MGAM: variants seen among roughly 807,000 people sequenced by gnomAD.
MGAM encodes alpha-1,4-glucosidase.
In MGAM, 253 loss-of-function variants were observed where a neutral mutation model predicts 358.8. That is an observed-to-expected ratio of 0.71 (90% CI 0.64 to 0.78). The LOEUF (loss-of-function observed/expected upper bound fraction) is 0.78. Ranked by LOEUF, MGAM falls within the 30% of genes least tolerant of loss-of-function variation. MGAM has a pLI of 0.00. For missense variants in MGAM, 3,080 were observed against 3,432.6 expected (o/e 0.90, Z 2.57); for synonymous variants, 1,105 against 1,227.1 (o/e 0.90, Z 2.08).
rs747047555 is a variant in MGAM, at chr7:142,088,174, G to A, written c.6810+1457G>A. 2.3e-4 allele frequency among the ~76,000 whole-genome samples: 33 copies of A among 146,174 alleles called. 5 individuals carry two copies. Among genetic ancestry groups the A allele is most frequent in the Admixed American group, 4.1e-4 (6 of 14,530 alleles). Reference sequence around the variant, plus strand: ...CATACTTCTCTGTTGTCAGTCTCTGGCCTCCTGGATCCCAGAGCCAGTTGG... The same window carrying A: ...CATACTTCTCTGTTGTCAGTCTCTGACCTCCTGGATCCCAGAGCCAGTTGG... On this transcript the variant is annotated intron_variant, in intron 57 of 70. Transcript: ENST00000475668.
At position 142,038,633 on chromosome 7, in the gene MGAM, G is replaced by A; in HGVS notation, c.2316+18G>A. 1 of 1,576,556 alleles carries A rather than the reference G, an allele frequency of 6.3e-7. No individual in the cohort carries two copies. The highest frequency in any genetic ancestry group is 8.7e-7 in the Non-Finnish European group (1 of 1,155,208). The stretch of plus-strand genomic sequence containing the variant: ...TGGATGAAGTAAGTGTTCCCACAGA[G>A]ATACACTAGAGATCTCTGCATCTGT... On this transcript the variant is annotated intron_variant, in intron 19 of 70. Coordinates refer to ENST00000475668, the MANE Select transcript of MGAM (RefSeq NM_001365693.1).
intron 2 of MGAM, among the ~76,000 whole-genome samples, chr7:141,988,425 C>T (rs1434477886): frequency 5.3e-5 from 8 of 151,628 alleles, no homozygotes; most frequent in South Asian, 2.1e-4. Context: ...AGTGCAGTGG[C>T]GCAATCTGGG....
chr7:142,030,562 T>C, intron 11 of MGAM, 69 bp downstream of exon 11: 1 of 1,607,990 alleles, frequency 6.2e-7, no homozygotes, highest in Non-Finnish European at 8.5e-7. Flanking sequence ...TCTCTCCTGC[T>C]TTCTCCCCCA....
At chr7:142,008,268 T>A (rs754330468) in intron 2 of MGAM, among the ~76,000 whole-genome samples, 19 of 152,164 alleles carry the variant, frequency 1.2e-4, no homozygotes, top group Non-Finnish European at 2.4e-4. Context: ...TCCTTGCTCT[T>A]ATACATACTA....
chr7:142,004,036 A>C (rs952301690), intron 1 of MGAM, among the ~76,000 whole-genome samples: 3 of 152,100 alleles, frequency 2.0e-5, no homozygotes, highest in African/African-American at 4.8e-5. Flanking sequence ...AAAAGTCAAA[A>C]AACAACACAT....
Position 142,067,417 on chromosome 7 carries a change from C to G in MGAM, c.4996C>G (p.Leu1666Val). Residue 1666 changes from leucine (L) to valine (V), a missense_variant, in exon 42 of 71, where the codon CTG (leucine) becomes GTG (valine). Physicochemically the swap from Leu to Val is conservative, Grantham distance 32 (BLOSUM62 1). Around this residue, in one of 5 missense-constraint regions of MGAM, gnomAD observed 932 missense variants for 1,198.2 expected, o/e 0.78. Transcript: ENST00000475668. ...CCCAGCCTTCCTGGTCAGCCCTGTC[C>G]TGGAGCGCGTGAGTATGGAGGCCTC... ...LGPAFLVSPV[L>V]ERNARNVTAY... is the part of the protein sequence containing the mutation. The G allele has an allele frequency of 2.6e-6, 4 of 1,551,822 alleles. No homozygotes were observed. Among genetic ancestry groups the G allele is most frequent in the Non-Finnish European group, 3.5e-6 (4 of 1,129,600 alleles).
intron 1 of MGAM, among the ~76,000 whole-genome samples, chr7:142,004,790 A>G (rs1448355908): frequency 3.4e-4 from 51 of 152,092 alleles, no homozygotes; most frequent in Admixed American, 3.3e-3. Flanking sequence ...AAAACTGAGA[A>G]TGAGAAAGCT....
chr7:142,082,008 T>C (rs1219240134), intron 50 of MGAM, 34 bp from the exon 51 acceptor site: 1 of 1,544,468 alleles, frequency 6.5e-7, no homozygotes, highest in South Asian at 1.1e-5. Flanking sequence ...GAAAAGCCCA[T>C]TTTCTGTTTC....
At chr7:142,048,166 T>G (rs189045990) in intron 22 of MGAM, among the ~76,000 whole-genome samples, 3,640 of 144,606 alleles carry the variant, frequency 0.025, 160 homozygotes, top group African/African-American at 0.09. Context: ...TTTATTTATT[T>G]ATTGAGGTGG....
In MGAM at chr7:142,052,917, C is replaced by G; in HGVS notation, c.3092C>G (p.Pro1031Arg). ...TCTTCCGTTTATGCCAATGCCTTCC[C>G]CTCCACACCCGTGAACCCCCTTCGC... is the stretch of plus-strand genomic sequence containing the variant. ...LKSSVYANAF[P>R]STPVNPLRLD... is the part of the protein sequence containing the mutation. The change falls in exon 26 of 71, where the codon CCC becomes CGC. Residue 1031 changes from proline (P) to arginine (R), a missense_variant. Pro to Arg is a moderately radical substitution (Grantham distance 103, BLOSUM62 -2). This residue lies in a region of MGAM where 1,816 missense variants were observed against 1,840.5 expected (regional missense o/e 0.99). Transcript: ENST00000475668. 6.2e-7 allele frequency: 1 copy of G among 1,613,906 alleles called. No individual in the cohort carries two copies. Among genetic ancestry groups the G allele is most frequent in the Non-Finnish European group, 8.5e-7 (1 of 1,179,846 alleles).
intron 27 of MGAM, 151 bp from the exon 28 acceptor site, chr7:142,055,407 G>T: frequency 1.1e-6 from 1 of 938,652 alleles, no homozygotes. Context: ...GGATATCTGT[G>T]ATATTTTAAT....
At chr7:142,093,637 C>A in intron 60 of MGAM, 87 bp downstream of exon 60, 1 of 1,316,186 alleles carries the variant, frequency 7.6e-7, no homozygotes, top group Admixed American at 2.2e-5. Flanking sequence ...CTTTTCATTC[C>A]CATTCTAAGG....
At chr7:142,044,161 A>G in intron 21 of MGAM, among the ~76,000 whole-genome samples, 1 of 143,846 alleles carries the variant, frequency 7.0e-6, no homozygotes, top group South Asian at 2.1e-4. Context: ...TACGACGTAT[A>G]ATATATACAT....
chr7:142,029,914 GAT>G (rs1416091785), intron 10 of MGAM, among the ~76,000 whole-genome samples: 2 of 152,190 alleles, frequency 1.3e-5, no homozygotes, highest in Non-Finnish European at 2.9e-5. Context: ...AAACAACAAA[GAT>G]GTGGGGTAGA....
intron 3 of MGAM, among the ~76,000 whole-genome samples, chr7:142,016,333 C>T (rs1235573059): frequency 2.0e-5 from 3 of 152,124 alleles, no homozygotes; most frequent in African/African-American, 4.8e-5. Context: ...TAAAAAGTAA[C>T]ATATCTTTCC....
At chr7:142,008,052 A>G (rs1192791419) in intron 2 of MGAM, among the ~76,000 whole-genome samples, 1 of 152,196 alleles carries the variant, frequency 6.6e-6, no homozygotes, top group East Asian at 1.9e-4. Flanking sequence ...ATAATGACTT[A>G]ATTTTGCCCT....
Position 142,066,693 on chromosome 7 carries a change from G to A in MGAM, c.4891G>A (p.Val1631Ile), listed in dbSNP as rs370894057. 17 of 1,555,788 alleles carry A rather than the reference G, an allele frequency of 1.1e-5. 3 individuals carry two copies. The highest frequency in any genetic ancestry group is 1.0e-4 in the Admixed American group (6 of 58,296). ...GATGCAAAAGGCCCACACGGAGGGC[G>A]TCACTGTTGTGCGGCCTCTGCTCCA... is the stretch of plus-strand genomic sequence containing the variant. ...TLMQKAHTEG[V>I]TVVRPLLHEF... Residue 1631 changes from valine to isoleucine, a missense_variant, in exon 41 of 71, where the codon GTC becomes ATC. Physicochemically the swap from Val to Ile is conservative, Grantham distance 29 (BLOSUM62 3). Around this residue, in one of 5 missense-constraint regions of MGAM, gnomAD observed 134 missense variants for 198.4 expected, o/e 0.68. Coordinates refer to ENST00000475668, the MANE Select transcript of MGAM (RefSeq NM_001365693.1).
At chr7:141,993,127 A>G (rs1804016960), upstream of MGAM, among the ~76,000 whole-genome samples, 1 of 152,186 alleles carries the variant, frequency 6.6e-6, no homozygotes. Context: ...CTGTGATAAG[A>G]GATAGTGATT....
chr7:142,008,927 G>A (rs1554453483), intron 3 of MGAM, among the ~76,000 whole-genome samples: 1 of 152,086 alleles, frequency 6.6e-6, no homozygotes, highest in Non-Finnish European at 1.5e-5. Context: ...GCCAGATTCA[G>A]CAAATAAAAG....
Sources: gnomAD v4.1 joint callset for allele counts (sites outside exome capture counted in the v4.1 genomes callset) on GRCh38, gnomAD v4.1.1 for gene constraint, gnomAD v4.1.1 regional missense constraint, MANE v1.5 for transcripts, NCBI Gene and HGNC (gene_info 2026-07-23, HGNC 2026-07-21) for gene names.